RGS7: variants seen among roughly 807,000 people sequenced by gnomAD.
RGS7 encodes regulator of G protein signaling 7.
A neutral mutation model predicts 81.1 loss-of-function variants in RGS7; 27 were observed. The observed-to-expected ratio is 0.33, with a 90% CI of 0.25 to 0.46. The LOEUF (loss-of-function observed/expected upper bound fraction) is 0.46, where lower values mean the gene tolerates loss of function less well. RGS7 is among the 20% of genes least tolerant of loss of function. The pLI is 1.00. For synonymous variants in RGS7, 208 were observed against 207.7 expected (o/e 1.00, Z -0.01); for missense variants, 396 against 607.4 (o/e 0.65, Z 3.66).
At chr1:240,859,576 A>T (rs1661817768) in intron 9 of RGS7, among the ~76,000 whole-genome samples, 2 of 150,534 alleles carry the variant, frequency 1.3e-5, no homozygotes, top group South Asian at 4.2e-4. Flanking sequence ...TATATTTCTG[A>T]TATTAGTAAT....
chr1:240,896,330 T>G (rs898433921), intron 6 of RGS7, among the ~76,000 whole-genome samples: 1 of 152,216 alleles, frequency 6.6e-6, no homozygotes, highest in Non-Finnish European at 1.5e-5. Context: ...GCCATTGCTT[T>G]TGGTGTTTTA....
chr1:241,115,972 AGTGTGTG>A (rs1326617241), intron 2 of RGS7, among the ~76,000 whole-genome samples: 1 of 152,102 alleles, frequency 6.6e-6, no homozygotes, highest in African/African-American at 2.4e-5. Flanking sequence ...ATGGATTAAA[AGTGTGTG>A]GCACTTCCTC....
At chr1:241,031,141 G>A (rs889377067) in intron 3 of RGS7, among the ~76,000 whole-genome samples, 3 of 151,904 alleles carry the variant, frequency 2.0e-5, no homozygotes, top group Admixed American at 6.6e-5. Flanking sequence ...CCACCCTTCC[G>A]AGTCTTCAAT....
At chr1:241,206,603 G>T (rs1280779692) in intron 2 of RGS7, among the ~76,000 whole-genome samples, 1 of 152,170 alleles carries the variant, frequency 6.6e-6, no homozygotes, top group Non-Finnish European at 1.5e-5. Flanking sequence ...AACGTGAGAA[G>T]ATGGAACTGC....
intron 4 of RGS7, among the ~76,000 whole-genome samples, chr1:240,963,886 C>G (rs1029633719): frequency 6.6e-6 from 1 of 152,218 alleles, no homozygotes; most frequent in African/African-American, 2.4e-5. Flanking sequence ...GTGGCCCACG[C>G]CTGTAATCCC....
intron 3 of RGS7, among the ~76,000 whole-genome samples, chr1:240,993,749 A>G (rs1686871646): frequency 6.6e-6 from 1 of 151,996 alleles, no homozygotes; most frequent in South Asian, 2.1e-4. Flanking sequence ...AGATTATAGT[A>G]TTAAATCTAA....
chr1:241,146,337 T>A (rs1223147129), intron 2 of RGS7, among the ~76,000 whole-genome samples: 2 of 152,238 alleles, frequency 1.3e-5, no homozygotes, highest in Non-Finnish European at 2.9e-5. Context: ...TATGGGAGTA[T>A]GTGCCCATAT....
intron 2 of RGS7, among the ~76,000 whole-genome samples, chr1:241,176,487 C>G (rs4266869): frequency 0.82 from 125,095 of 152,076 alleles, 52,008 homozygotes; most frequent in Middle Eastern, 0.91. Context: ...ACTCCCTCTA[C>G]ACTCATTTTA....
chr1:241,250,144 G>C (rs114106525), intron 2 of RGS7, among the ~76,000 whole-genome samples: 4 of 152,116 alleles, frequency 2.6e-5, no homozygotes, highest in Non-Finnish European at 4.4e-5. Flanking sequence ...CCACAAAGTT[G>C]TATTTCTTAA....
intron 2 of RGS7, among the ~76,000 whole-genome samples, chr1:241,286,818 C>T (rs2078836897): frequency 1.3e-5 from 2 of 152,300 alleles, no homozygotes; most frequent in Middle Eastern, 6.8e-3. Context: ...GCCCCATAAA[C>T]ATGCCACTTG....
At chr1:241,275,588 C>T (rs1052052863) in intron 2 of RGS7, among the ~76,000 whole-genome samples, 15 of 152,264 alleles carry the variant, frequency 9.9e-5, no homozygotes, top group African/African-American at 3.4e-4. Flanking sequence ...ACTGGTAGAT[C>T]TTTACTAGTG....
At chr1:241,210,918 G>A (rs912365297) in intron 2 of RGS7, among the ~76,000 whole-genome samples, 2 of 152,170 alleles carry the variant, frequency 1.3e-5, no homozygotes, top group African/African-American at 4.8e-5. Flanking sequence ...TAAGGCTAGA[G>A]GTCAATTGTG....
chr1:240,871,514 C>T (rs1664490776), intron 6 of RGS7, among the ~76,000 whole-genome samples: 2 of 152,242 alleles, frequency 1.3e-5, no homozygotes, highest in South Asian at 4.1e-4. Flanking sequence ...TGCTAAGAAC[C>T]CAGTATATAG....
At chr1:240,800,202 T>C (rs534487967) in intron 18 of RGS7, among the ~76,000 whole-genome samples, 1 of 152,306 alleles carries the variant, frequency 6.6e-6, no homozygotes, top group South Asian at 2.1e-4. Context: ...TGGTGACTTA[T>C]GAGGCATGCT....
At chr1:240,874,667 C>T (rs1045909091) in intron 6 of RGS7, among the ~76,000 whole-genome samples, 11 of 152,002 alleles carry the variant, frequency 7.2e-5, no homozygotes, top group Non-Finnish European at 7.4e-5. Flanking sequence ...ATAGGTTATA[C>T]GCTTTGCTAT....
chr1:241,084,497 A>G (rs1309436791), intron 3 of RGS7, among the ~76,000 whole-genome samples: 1 of 152,192 alleles, frequency 6.6e-6, no homozygotes. Flanking sequence ...ACTTGCTGAG[A>G]AGATAGAACA....
At chr1:241,142,553 T>A (rs946312845) in intron 2 of RGS7, among the ~76,000 whole-genome samples, 5 of 152,218 alleles carry the variant, frequency 3.3e-5, no homozygotes, top group Non-Finnish European at 5.9e-5. Flanking sequence ...TGGACTGAGC[T>A]CTACGTTGAC....
intron 3 of RGS7, among the ~76,000 whole-genome samples, chr1:240,995,349 T>A (rs955084954): frequency 1.3e-5 from 2 of 152,234 alleles, no homozygotes; most frequent in African/African-American, 2.4e-5. Context: ...AATAGCTTCA[T>A]AAAATGAATT....
intron 6 of RGS7, among the ~76,000 whole-genome samples, chr1:240,880,554 T>C (rs1243413635): frequency 6.6e-6 from 1 of 152,216 alleles, no homozygotes; most frequent in Non-Finnish European, 1.5e-5. Context: ...CTCCCCAGTG[T>C]CTGAGAGAGC....
Sources: allele counts gnomAD v4.1 joint callset (sites outside exome capture counted in the v4.1 genomes callset), GRCh38; gene constraint gnomAD v4.1.1; transcripts MANE v1.5; gene names NCBI Gene and HGNC (gene_info 2026-07-23, HGNC 2026-07-21).